Variants in DIAPH2 observed in about 807,000 individuals in gnomAD.
DIAPH2 encodes protein diaphanous homolog 2.
In DIAPH2, 35 loss-of-function variants were observed where a neutral mutation model predicts 92.7. The ratio of observed to expected loss-of-function variants is 0.38; its 90% CI spans 0.29 to 0.50. The LOEUF is 0.50. Among genes scored for constraint, DIAPH2 ranks in the 20% least tolerant of loss-of-function variants. DIAPH2 has a pLI of 0.94. For synonymous variants in DIAPH2, 301 were observed against 280.4 expected (o/e 1.07, Z -0.73); for missense variants, 701 against 819.5 (o/e 0.86, Z 1.77).
chrX:97,511,869 A>T (rs1167894776), intron 26 of DIAPH2, among the ~76,000 whole-genome samples: 1 of 111,078 alleles, frequency 9.0e-6, no homozygotes, highest in African/African-American at 3.3e-5. Context: ...CCACTTGATC[A>T]TGGTGGATAA....
intron 26 of DIAPH2, among the ~76,000 whole-genome samples, chrX:97,545,267 G>T: frequency 9.0e-6 from 1 of 110,512 alleles, no homozygotes. Flanking sequence ...ATTTCTCCTT[G>T]TTTATCTCCC....
intron 3 of DIAPH2, among the ~76,000 whole-genome samples, chrX:96,753,222 GA>G (rs1172819964): frequency 8.9e-6 from 1 of 111,891 alleles, no homozygotes; most frequent in Non-Finnish European, 1.9e-5. Context: ...ACAGGAGACT[GA>G]AATTTAACCA....
intron 26 of DIAPH2, among the ~76,000 whole-genome samples, chrX:97,497,768 T>C (rs2070769540): frequency 1.8e-5 from 2 of 110,762 alleles, no homozygotes; most frequent in African/African-American, 6.6e-5. Flanking sequence ...ATCATGCCAC[T>C]GGTATATTGG....
intron 22 of DIAPH2, among the ~76,000 whole-genome samples, chrX:97,192,771 A>G (rs2067665653): frequency 9.0e-6 from 1 of 110,681 alleles, no homozygotes. Context: ...GATTTTTTGC[A>G]GTTTCTGAAA....
intron 5 of DIAPH2, among the ~76,000 whole-genome samples, chrX:96,893,091 C>G (rs953777082): frequency 9.0e-6 from 1 of 111,642 alleles, no homozygotes; most frequent in African/African-American, 3.2e-5. Context: ...AACTAAAGGT[C>G]TTGGGCACAT....
intron 26 of DIAPH2, among the ~76,000 whole-genome samples, chrX:97,465,778 T>A (rs2070507252): frequency 8.9e-6 from 1 of 111,868 alleles, no homozygotes; most frequent in African/African-American, 3.3e-5. Context: ...AACCTCCAAC[T>A]CCTGGGTTCA....
intron 21 of DIAPH2, among the ~76,000 whole-genome samples, chrX:97,131,280 T>C (rs991196729): frequency 1.3e-4 from 14 of 111,457 alleles, no homozygotes; most frequent in African/African-American, 3.9e-4. Flanking sequence ...CATGGATGAA[T>C]ATAGCTAGAA....
intron 1 of DIAPH2, among the ~76,000 whole-genome samples, chrX:96,706,694 A>G (rs927584817): frequency 4.5e-5 from 5 of 111,612 alleles, no homozygotes; most frequent in African/African-American, 1.6e-4. Flanking sequence ...ACAGTGTTGG[A>G]GAGGATGACT....
At chrX:96,759,441 T>C (rs1468029476) in intron 4 of DIAPH2, among the ~76,000 whole-genome samples, 3 of 111,781 alleles carry the variant, frequency 2.7e-5, no homozygotes, top group Non-Finnish European at 5.7e-5. Context: ...GAAATATGTT[T>C]CAAGTGATAA....
intron 4 of DIAPH2, among the ~76,000 whole-genome samples, chrX:96,844,014 A>G (rs1218899307): frequency 1.8e-5 from 2 of 112,463 alleles, no homozygotes. Flanking sequence ...GTGGTAGGTT[A>G]CCAGAGATTT....
intron 17 of DIAPH2, among the ~76,000 whole-genome samples, chrX:96,995,397 T>C (rs767540394): frequency 9.0e-6 from 1 of 111,658 alleles, no homozygotes. Context: ...TTAAATCCTA[T>C]TGAATATGAT....
chrX:96,873,543 A>G (rs888576110), intron 4 of DIAPH2, among the ~76,000 whole-genome samples: 1 of 108,921 alleles, frequency 9.2e-6, no homozygotes, highest in African/African-American at 3.4e-5. Flanking sequence ...TGAAAGGCCA[A>G]CTTGGGGGAT....
intron 23 of DIAPH2, among the ~76,000 whole-genome samples, chrX:97,291,036 G>A (rs946648482): frequency 9.1e-6 from 1 of 109,793 alleles, no homozygotes; most frequent in Non-Finnish European, 1.9e-5. Flanking sequence ...AGGTTGCAGT[G>A]AGCCAAGACC....
chrX:96,862,948 A>G (rs889137962), intron 4 of DIAPH2, among the ~76,000 whole-genome samples: 2 of 111,261 alleles, frequency 1.8e-5, no homozygotes, highest in Non-Finnish European at 3.8e-5. Context: ...AAGGAAATAT[A>G]TATGAGAAAC....
intron 23 of DIAPH2, among the ~76,000 whole-genome samples, chrX:97,313,541 A>G (rs1488447079): frequency 1.9e-4 from 21 of 112,196 alleles, no homozygotes; most frequent in Non-Finnish European, 9.4e-5. Flanking sequence ...GTTAAGATTC[A>G]GCTAGAATAT....
intron 23 of DIAPH2, among the ~76,000 whole-genome samples, chrX:97,291,235 A>G (rs1003215826): frequency 2.7e-5 from 3 of 110,846 alleles, no homozygotes; most frequent in Non-Finnish European, 5.7e-5. Flanking sequence ...AAAAAATACA[A>G]AAAAATTATC....
At chrX:96,799,264 TTC>T (rs767808657) in intron 4 of DIAPH2, among the ~76,000 whole-genome samples, 1 of 111,597 alleles carries the variant, frequency 9.0e-6, no homozygotes, top group African/African-American at 3.3e-5. Context: ...TTTGTTTCCT[TTC>T]TCTCAGGGAT....
At chrX:97,461,926 G>T (rs1474133456) in intron 26 of DIAPH2, among the ~76,000 whole-genome samples, 1 of 111,597 alleles carries the variant, frequency 9.0e-6, no homozygotes, top group East Asian at 2.8e-4. Flanking sequence ...CCCTTGGCCT[G>T]TAGGGAACTT....
chrX:97,001,497 T>A (rs1378220792), intron 17 of DIAPH2, among the ~76,000 whole-genome samples: 1 of 110,084 alleles, frequency 9.1e-6, no homozygotes, highest in Non-Finnish European at 1.9e-5. Context: ...GCAAAAAAAA[T>A]TAGCCAGGCG....
Sources: allele counts gnomAD v4.1 joint callset (sites outside exome capture counted in the v4.1 genomes callset), GRCh38; gene constraint gnomAD v4.1.1; transcripts MANE v1.5; gene names NCBI Gene and HGNC (gene_info 2026-07-23, HGNC 2026-07-21).